Variants in ARHGAP23 observed in about 807,000 individuals in gnomAD.
ARHGAP23 encodes Rho GTPase activating protein 23, also known as rho GTPase-activating protein 23.
A neutral mutation model predicts 136.3 loss-of-function variants in ARHGAP23; 34 were observed. The observed-to-expected ratio is 0.25, with a 90% CI of 0.19 to 0.33. ARHGAP23 has a LOEUF of 0.33. ARHGAP23 is among the 10% of genes least tolerant of loss of function. ARHGAP23 has a pLI of 1.00. For missense variants in ARHGAP23, 1,808 were observed against 2,139.0 expected (o/e 0.85, Z 3.05); for synonymous variants, 832 against 920.5 (o/e 0.90, Z 1.74).
intron 23 of ARHGAP23, among the ~76,000 whole-genome samples, chr17:38,502,933 T>C (rs2040552933): frequency 6.6e-6 from 1 of 152,068 alleles, no homozygotes; most frequent in Non-Finnish European, 1.5e-5. Context: ...TAGTCCCAGC[T>C]ACTTGGGAGG....
At chr17:38,488,268 A>G (rs1048819651) in intron 17 of ARHGAP23, among the ~76,000 whole-genome samples, 19 of 152,098 alleles carry the variant, frequency 1.2e-4, no homozygotes, top group Non-Finnish European at 2.6e-4. Context: ...ATGGTATCTC[A>G]TTATTGTTTT....
At chr17:38,454,385 G>A (rs2144591954) in intron 1 of ARHGAP23, among the ~76,000 whole-genome samples, 1 of 152,302 alleles carries the variant, frequency 6.6e-6, no homozygotes, top group Admixed American at 6.5e-5. Context: ...CCTCCACGGG[G>A]CTCAGCCCTC....
intron 19 of ARHGAP23, among the ~76,000 whole-genome samples, chr17:38,491,152 C>T (rs986212995): frequency 2.0e-5 from 3 of 152,226 alleles, no homozygotes; most frequent in Non-Finnish European, 4.4e-5. Flanking sequence ...CCACTGCTGG[C>T]ACTGACCACT....
chr17:38,467,298 A>G lies in ARHGAP23; in HGVS notation c.1615A>G (p.Thr539Ala). Residue 539 changes from threonine (T) to alanine (A), a missense_variant, in exon 7 of 24, where the codon ACC (threonine) becomes GCC (alanine). This residue lies in a region of ARHGAP23 where 859 missense variants were observed against 936.4 expected (regional missense o/e 0.92). Transcript: ENST00000622683. ...CAGGAAGGTGGCCCCTTTGGCCACCACCGAAGACTCTCTGGCTTCCATCCC... is the reference window on the plus strand; with the variant it reads ...CAGGAAGGTGGCCCCTTTGGCCACCGCCGAAGACTCTCTGGCTTCCATCCC... ...LGRKVAPLAT[T>A]EDSLASIPFI... The G allele has an allele frequency of 1.3e-6, 2 of 1,507,860 alleles. No homozygotes were observed. The highest frequency in any genetic ancestry group is 2.6e-5 in the South Asian group (2 of 77,856). 93.4% of individuals were successfully genotyped at this position (1,507,860 alleles called of 1,614,324 possible). A position where few individuals can be genotyped will look rare whatever the true frequency, so the allele number is the denominator to read the frequency against.
At chr17:38,488,391 C>T (rs1435233925) in intron 17 of ARHGAP23, among the ~76,000 whole-genome samples, 1 of 152,210 alleles carries the variant, frequency 6.6e-6, no homozygotes, top group South Asian at 2.1e-4. Context: ...TTTTCTGTTG[C>T]GTTGTTTATC....
Position 38,449,366 on chromosome 17 carries a change from G to A in ARHGAP23, c.64-8736G>A, listed in dbSNP as rs753292836. Among the ~76,000 whole-genome samples, 7 of 152,240 alleles carry A rather than the reference G, an allele frequency of 4.6e-5. No individual in the cohort carries two copies. In the East Asian group the frequency reaches 7.7e-4, roughly 17 times the overall value. On this transcript the variant is annotated intron_variant, in intron 1 of 23. Transcript: ENST00000622683. Reference sequence around the variant, plus strand: ...CGTGGGCCAGACATAGTGCCAGTGCGGGGTGCCCAGGTTCCCGGTGATGGG... The same window carrying A: ...CGTGGGCCAGACATAGTGCCAGTGCAGGGTGCCCAGGTTCCCGGTGATGGG...
intron 11 of ARHGAP23, among the ~76,000 whole-genome samples, chr17:38,474,140 T>C (rs1260439621): frequency 6.6e-6 from 1 of 152,186 alleles, no homozygotes; most frequent in African/African-American, 2.4e-5. Context: ...AGGCTGGTCT[T>C]GAACTCCTGA....
chr17:38,443,401 C>T (rs2144534903), intron 1 of ARHGAP23, among the ~76,000 whole-genome samples: 1 of 152,320 alleles, frequency 6.6e-6, no homozygotes, highest in Admixed American at 6.5e-5. Flanking sequence ...GGCTGTTATC[C>T]TGTCCCCAAA....
chr17:38,476,371 G>A (rs889696809), intron 11 of ARHGAP23, among the ~76,000 whole-genome samples: 3 of 152,162 alleles, frequency 2.0e-5, no homozygotes, highest in South Asian at 2.1e-4. Flanking sequence ...TGTCAAGGGC[G>A]AGGAAAAGGG....
chr17:38,467,833 C>T (rs193299920), intron 7 of ARHGAP23, among the ~76,000 whole-genome samples: 20 of 152,354 alleles, frequency 1.3e-4, no homozygotes, highest in Admixed American at 1.1e-3. Flanking sequence ...TCCCATTCTT[C>T]CTTCCATCTT....
chr17:38,493,472 G>T (rs1220024424), intron 20 of ARHGAP23, among the ~76,000 whole-genome samples: 1 of 152,108 alleles, frequency 6.6e-6, no homozygotes, highest in Non-Finnish European at 1.5e-5. Context: ...GATTACAGGT[G>T]TGAGCCATCA....
Position 38,510,052 on chromosome 17 carries a change from G to C in ARHGAP23, c.3556G>C (p.Gly1186Arg), listed in dbSNP as rs1049042338. The change falls in exon 24 of 24, where the codon GGC (glycine) becomes CGC (arginine). Residue 1186 changes from glycine (G) to arginine (R), a missense_variant. This residue lies in a region of ARHGAP23 where 104 missense variants were observed against 131.8 expected (regional missense o/e 0.79). Transcript: ENST00000622683. The surrounding 1 kb of genome is among the most constrained non-coding windows in gnomAD (Gnocchi z 4.6). ...RKKRREARGL[G>R]SSTDDDSEQE... is the part of the protein sequence containing the mutation. Reference sequence around the variant, plus strand: ...GAAGCGGCGGGAGGCGCGGGGGCTGGGCAGCAGCACCGACGACGACTCGGA... The same window carrying C: ...GAAGCGGCGGGAGGCGCGGGGGCTGCGCAGCAGCACCGACGACGACTCGGA... 12 of 1,242,980 alleles carry C rather than the reference G, an allele frequency of 9.7e-6. No homozygotes were observed. The highest frequency in any genetic ancestry group is 8.4e-5 in the Admixed American group (2 of 23,752). The allele number at this position is 1,242,980 out of a possible 1,614,324, so 77.0% of individuals were successfully genotyped here.
intron 1 of ARHGAP23, chr17:38,451,594 G>A (rs949548587): frequency 6.6e-6 from 1 of 152,248 alleles, no homozygotes; most frequent in African/African-American, 2.4e-5. Context: ...AGCAGCAAGA[G>A]GAATGCAAGT....
chr17:38,459,410 A>G (rs1017159225), intron 2 of ARHGAP23, among the ~76,000 whole-genome samples: 1 of 152,234 alleles, frequency 6.6e-6, no homozygotes, highest in Non-Finnish European at 1.5e-5. Context: ...GGGCTCCTGC[A>G]TAACTGTTCT....
At chr17:38,469,352 A>G in intron 8 of ARHGAP23, 53 bp downstream of exon 8, 1 of 1,510,702 alleles carries the variant, frequency 6.6e-7, no homozygotes, top group Non-Finnish European at 8.9e-7. Flanking sequence ...GCCCAGTCCC[A>G]GGGGTCTCTG....
intron 20 of ARHGAP23, among the ~76,000 whole-genome samples, chr17:38,494,072 A>G (rs887205125): frequency 6.6e-6 from 1 of 152,136 alleles, no homozygotes; most frequent in Non-Finnish European, 1.5e-5. Context: ...TACCTGCTGG[A>G]TGCTGGGAAT....
chr17:38,432,415 G>A (rs2038704923), intron 1 of ARHGAP23, among the ~76,000 whole-genome samples: 2 of 151,426 alleles, frequency 1.3e-5, no homozygotes, highest in South Asian at 4.2e-4. Context: ...AGCAGTGGCT[G>A]ACACCTGTAA....
At chr17:38,491,622 T>C in intron 20 of ARHGAP23, 90 bp downstream of exon 20, 1 of 1,518,070 alleles carries the variant, frequency 6.6e-7, no homozygotes, top group Non-Finnish European at 8.9e-7. Flanking sequence ...CCTGGCGGAG[T>C]GTGCCCCAGG....
At chr17:38,444,325 A>G (rs1002890772) in intron 1 of ARHGAP23, among the ~76,000 whole-genome samples, 2 of 151,848 alleles carry the variant, frequency 1.3e-5, no homozygotes, top group Non-Finnish European at 2.9e-5. Context: ...GGCAGCCGAG[A>G]TGTGCACCCT....
Sources: gnomAD v4.1 joint callset for allele counts (sites outside exome capture counted in the v4.1 genomes callset) on GRCh38, gnomAD v4.1.1 for gene constraint, gnomAD v4.1.1 regional missense constraint, Gnocchi (gnomAD v3.1) non-coding constraint, MANE v1.5 for transcripts, NCBI Gene and HGNC (gene_info 2026-07-23, HGNC 2026-07-21) for gene names.